The following BCAS3 variants were observed in gnomAD, a reference collection of about 807,000 sequenced individuals.
BCAS3 encodes BCAS3 microtubule associated cell migration factor, also known as BCAS4/BCAS3 fusion.
BCAS3 carries 53 observed loss-of-function variants against 116.1 expected under a neutral mutation model. The observed-to-expected ratio is 0.46, with a 90% CI of 0.37 to 0.57. The LOEUF (loss-of-function observed/expected upper bound fraction) is 0.57. BCAS3 is among the 20% of genes least tolerant of loss of function. The probability of loss-of-function intolerance (pLI) is 0.00; values close to 1 mark genes in which losing one functional copy is unlikely to be tolerated. For synonymous variants in BCAS3, 391 were observed against 408.2 expected (o/e 0.96, Z 0.51); for missense variants, 917 against 1,165.4 (o/e 0.79, Z 3.10).
Position 61,309,193 on chromosome 17 carries a change from T to C in BCAS3, c.2426-59134T>C, listed in dbSNP as rs1170701897. Among the ~76,000 whole-genome samples the C allele has an allele frequency of 6.6e-6, 1 of 152,224 alleles. No individual in the cohort carries two copies. Among genetic ancestry groups the C allele is most frequent in the African/African-American group, 2.4e-5 (1 of 41,454 alleles). The stretch of plus-strand genomic sequence containing the variant: ...ACAGGGAAAAAAGAACGTTAGCTCA[T>C]GTGAGGATACGTATAAGGGAATTAG... On this transcript the variant is annotated intron_variant, in intron 22 of 23. Transcript: ENST00000407086. The surrounding 1 kb of genome is among the most constrained non-coding windows in gnomAD (Gnocchi z 4.6).
At chr17:60,948,009 T>C (rs1400550501) in intron 14 of BCAS3, among the ~76,000 whole-genome samples, 1 of 152,200 alleles carries the variant, frequency 6.6e-6, no homozygotes, top group Non-Finnish European at 1.5e-5. Context: ...GGTACACATA[T>C]GTTCATATGC....
rs11654734 is a variant in BCAS3, at chr17:61,286,817, G to C, written c.2426-81510G>C. Among the ~76,000 whole-genome samples the C allele has an allele frequency of 0.47, 71,062 of 152,024 alleles. 20,209 individuals carry two copies. The highest frequency in any genetic ancestry group is 0.71 in the East Asian group (3,667 of 5,158). ...ACACTACAGAGATCCTGGCCAGGGT[G>C]AGGAAAGACAGAGAATGCTTTCTAG... On this transcript the variant is annotated intron_variant, in intron 22 of 23. Coordinates refer to ENST00000407086, the MANE Select transcript of BCAS3 (RefSeq NM_017679.5). This position sits in a 1 kb window ranked among gnomAD's most constrained non-coding sequence, Gnocchi z 4.8.
At chr17:60,785,856 G>C (rs2046240583) in intron 6 of BCAS3, among the ~76,000 whole-genome samples, 1 of 152,204 alleles carries the variant, frequency 6.6e-6, no homozygotes, top group Non-Finnish European at 1.5e-5. Context: ...AGAAAAAGTT[G>C]TGTCTGAACT....
rs1327065337 is a variant in BCAS3 at position 61,347,482 on chromosome 17, G to A, written c.2426-20845G>A. On this transcript the variant is annotated intron_variant, in intron 22 of 23. Coordinates refer to ENST00000407086, the MANE Select transcript of BCAS3 (RefSeq NM_017679.5). This position sits in a 1 kb window ranked among gnomAD's most constrained non-coding sequence, Gnocchi z 4.3. ...TTCTTCCCTCCCTTCTTCCTGCTAG[G>A]TGCCAGGAACTGAGGCACTGTGCTG... Among the ~76,000 whole-genome samples the A allele has an allele frequency of 6.6e-6, 1 of 152,144 alleles. No homozygotes were observed. Among genetic ancestry groups the A allele is most frequent in the Non-Finnish European group, 1.5e-5 (1 of 68,026 alleles).
At chr17:61,117,676 T>C (rs1003636764) in intron 22 of BCAS3, among the ~76,000 whole-genome samples, 10 of 152,144 alleles carry the variant, frequency 6.6e-5, no homozygotes, top group African/African-American at 2.4e-4. Flanking sequence ...AGACTTTCTA[T>C]TTCTTTGATG....
In BCAS3 at chr17:61,309,641, C is replaced by T. The variant is rs959405946; in HGVS notation, c.2426-58686C>T. 1.3e-5 allele frequency among the ~76,000 whole-genome samples: 2 copies of T among 152,120 alleles called. No homozygotes were observed. The highest frequency in any genetic ancestry group is 2.9e-5 in the Non-Finnish European group (2 of 68,018). On this transcript the variant is annotated intron_variant, in intron 22 of 23. Coordinates refer to ENST00000407086, the MANE Select transcript of BCAS3 (RefSeq NM_017679.5). This position sits in a 1 kb window ranked among gnomAD's most constrained non-coding sequence, Gnocchi z 4.6. ...GCCTCCTTTCCTGAAGCGTGTTCTC[C>T]GTCCCAAGGAAAACACACACATCCA...
chr17:61,000,600 A>G (rs2064168771), intron 15 of BCAS3, among the ~76,000 whole-genome samples: 1 of 152,138 alleles, frequency 6.6e-6, no homozygotes, highest in South Asian at 2.1e-4. Flanking sequence ...CATTATTGAT[A>G]CTGCTGTTAA....
rs2058471278 is a variant in BCAS3 at position 61,361,910 on chromosome 17, T to G, written c.2426-6417T>G. ...CCTTTCCTCCACCTTTTTAATATAT[T>G]TAGGCCCTCAGTTGAATGATGCCTG... On this transcript the variant is annotated intron_variant, in intron 22 of 23. Coordinates refer to ENST00000407086, the MANE Select transcript of BCAS3 (RefSeq NM_017679.5). This position sits in a 1 kb window ranked among gnomAD's most constrained non-coding sequence, Gnocchi z 6.5. 1 of 152,142 alleles carries G rather than the reference T, an allele frequency of 6.6e-6. No individual in the cohort carries two copies. The highest frequency in any genetic ancestry group is 1.5e-5 in the Non-Finnish European group (1 of 68,018). 9.4% of individuals were successfully genotyped at this position (152,142 alleles called of 1,614,324 possible).
chr17:60,880,017 G>A (rs2055967683), intron 9 of BCAS3, among the ~76,000 whole-genome samples: 1 of 152,194 alleles, frequency 6.6e-6, no homozygotes, highest in Non-Finnish European at 1.5e-5. Flanking sequence ...TTTAGGGCAT[G>A]TGCTGGTGCT....
chr17:60,907,965 A>G (rs1359086871), intron 11 of BCAS3, among the ~76,000 whole-genome samples: 2 of 152,200 alleles, frequency 1.3e-5, no homozygotes, highest in Non-Finnish European at 2.9e-5. Flanking sequence ...AATTTACCCT[A>G]AAAGCAAGGG....
chr17:60,728,158 C>T (rs2040098096), intron 5 of BCAS3, among the ~76,000 whole-genome samples: 1 of 152,026 alleles, frequency 6.6e-6, no homozygotes, highest in Non-Finnish European at 1.5e-5. Flanking sequence ...AATATAATGA[C>T]AGGTATCCAC....
Position 61,186,937 on chromosome 17 carries a change from C to T in BCAS3, c.2425+102373C>T, listed in dbSNP as rs1489135413. ...GTGTTAGCCAGGATGGTCTCGATCT[C>T]CTGACCTCGTGATCCACCCACCTCG... On this transcript the variant is annotated intron_variant, in intron 22 of 23. Coordinates refer to ENST00000407086, the MANE Select transcript of BCAS3 (RefSeq NM_017679.5). This position sits in a 1 kb window ranked among gnomAD's most constrained non-coding sequence, Gnocchi z 4.9. Among the ~76,000 whole-genome samples the T allele has an allele frequency of 2.6e-5, 4 of 152,166 alleles. No homozygotes were observed. The highest frequency in any genetic ancestry group is 9.7e-5 in the African/African-American group (4 of 41,444).
intron 14 of BCAS3, among the ~76,000 whole-genome samples, chr17:60,950,400 G>A (rs928152953): frequency 4.6e-5 from 7 of 152,130 alleles, no homozygotes; most frequent in African/African-American, 1.7e-4. Context: ...AGTATAAAGA[G>A]ACATTTTTGA....
At chr17:60,998,937 A>G (rs941076478) in intron 15 of BCAS3, among the ~76,000 whole-genome samples, 1 of 152,102 alleles carries the variant, frequency 6.6e-6, no homozygotes, top group Admixed American at 6.5e-5. Flanking sequence ...TAGAATTTTT[A>G]TAGTTTCAGG....
In BCAS3 at chr17:60,889,678, C is replaced by T. The variant is rs763589626; in HGVS notation, c.662-17C>T. On this transcript the variant is annotated splice_polypyrimidine_tract_variant and intron_variant, in intron 9 of 23. Transcript: ENST00000407086. The stretch of plus-strand genomic sequence containing the variant: ...TTATTAAGAAATTTCTCAATAGTGC[C>T]ATTTGAAATTTTTCAGGCTGCTATC... The T allele has an allele frequency of 1.6e-5, 25 of 1,603,054 alleles. 1 individual carries two copies. The Admixed American group carries it at 4.2e-4, about 27-fold the overall frequency.
intron 22 of BCAS3, among the ~76,000 whole-genome samples, chr17:61,093,040 G>C (rs956272688): frequency 5.5e-5 from 8 of 145,580 alleles, no homozygotes; most frequent in African/African-American, 2.2e-4. Context: ...CCAAGTAGCT[G>C]GGACTACAGG....
intron 12 of BCAS3, among the ~76,000 whole-genome samples, chr17:60,913,767 A>G (rs1327730056): frequency 6.6e-6 from 1 of 152,148 alleles, no homozygotes; most frequent in African/African-American, 2.4e-5. Flanking sequence ...CGGATTCACC[A>G]TCCTTCTGAT....
intron 22 of BCAS3, among the ~76,000 whole-genome samples, chr17:61,357,487 C>T (rs2058217832): frequency 6.7e-6 from 1 of 148,810 alleles, no homozygotes; most frequent in Non-Finnish European, 1.5e-5. Flanking sequence ...CTTTGTCGCC[C>T]AGGCTGGAGT....
In BCAS3 at chr17:60,708,266, A is replaced by G. The variant is rs140971143; in HGVS notation, c.215-953A>G. ...CCTGAGCATAGAAGGTTGAGGCTGC[A>G]GTGAGCTATGATGGCACCACTGTAC... On this transcript the variant is annotated intron_variant, in intron 4 of 23. Transcript: ENST00000407086. Among the ~76,000 whole-genome samples the G allele has an allele frequency of 8.6e-3, 1,296 of 150,872 alleles. 12 individuals carry two copies. Among genetic ancestry groups the G allele is most frequent in the African/African-American group, 0.027 (1,130 of 41,140 alleles).
Sources: gnomAD v4.1 joint callset for allele counts (sites outside exome capture counted in the v4.1 genomes callset) on GRCh38, gnomAD v4.1.1 for gene constraint, Gnocchi (gnomAD v3.1) non-coding constraint, MANE v1.5 for transcripts, NCBI Gene and HGNC (gene_info 2026-07-23, HGNC 2026-07-21) for gene names.